Variants in CLPTM1L observed in about 807,000 individuals in gnomAD.
CLPTM1L encodes CLPTM1 like, also known as lipid scramblase CLPTM1L.
Under a neutral mutation model 70.9 loss-of-function variants are expected in CLPTM1L, and 38 were observed. The observed-to-expected ratio is 0.54, with a 90% confidence interval of 0.41 to 0.70. The LOEUF is 0.70. Among genes scored for constraint, CLPTM1L ranks in the 30% least tolerant of loss-of-function variants. The probability of loss-of-function intolerance (pLI) is 0.00; values close to 1 mark genes in which losing one functional copy is unlikely to be tolerated. For missense variants in CLPTM1L, 652 were observed against 705.9 expected (o/e 0.92, Z 0.87); for synonymous variants, 339 against 299.9 (o/e 1.13, Z -1.35).
At chr5:1,338,670 CT>C (rs1358525813) in intron 4 of CLPTM1L, among the ~76,000 whole-genome samples, 189 bp downstream of exon 4, 5 of 152,258 alleles carry the variant, frequency 3.3e-5, no homozygotes, top group African/African-American at 1.2e-4. Flanking sequence ...GAATTCCTTT[CT>C]CCCCCCTTCC....
chr5:1,321,077 C>T (rs914363841), intron 15 of CLPTM1L, among the ~76,000 whole-genome samples: 1 of 152,168 alleles, frequency 6.6e-6, no homozygotes, highest in Non-Finnish European at 1.5e-5. Flanking sequence ...TAGAGCCGCC[C>T]GAGACCACAG....
In CLPTM1L at chr5:1,344,767, C is replaced by A. The variant is rs568033348; in HGVS notation, c.75G>T (p.Trp25Cys). ...GGGTGTAGACGATGCCGTACATGAC[C>A]CAGCAGGTGTGCACCACGTAGACCA... ...VFVVYVVHTCWVMYGIVYTRP... is the reference protein window; with the variant it reads ...VFVVYVVHTCCVMYGIVYTRP... The change falls in exon 1 of 17, where the codon TGG becomes TGT. Residue 25 changes from tryptophan (W) to cysteine (C), a missense_variant. Physicochemically the swap from Trp to Cys is radical, Grantham distance 215. Coordinates refer to ENST00000320895, the MANE Select transcript of CLPTM1L (RefSeq NM_030782.5). The A allele has an allele frequency of 3.1e-6, 5 of 1,605,694 alleles. No homozygotes were observed. Among genetic ancestry groups the A allele is most frequent in the Admixed American group, 1.7e-5 (1 of 59,522 alleles).
chr5:1,333,917 G>A (rs1287663897), intron 7 of CLPTM1L, among the ~76,000 whole-genome samples: 2 of 152,104 alleles, frequency 1.3e-5, no homozygotes, highest in Admixed American at 6.5e-5. Flanking sequence ...CTCCGCCCCT[G>A]GCTCTGCATG....
Position 1,318,376 on chromosome 5 carries a change from G to T in CLPTM1L, c.1610C>A (p.Thr537Lys), listed in dbSNP as rs33955038. 1 of 1,613,090 alleles carries T rather than the reference G, an allele frequency of 6.2e-7. No homozygotes were observed. The highest frequency in any genetic ancestry group is 8.5e-7 in the Non-Finnish European group (1 of 1,179,594). ...YEEKATRAPH[T>K]D ...CGGCAGCCCGGGCGGCCTTCAGTCC[G>T]TGTGGGGCGCCCGCGTGGCCTTCTC... Residue 537 changes from threonine (T) to lysine (K), a missense_variant, in exon 17 of 17, where the codon ACG becomes AAG. Around this residue, in one of 3 missense-constraint regions of CLPTM1L, gnomAD observed 240 missense variants for 295.0 expected, o/e 0.81. Transcript: ENST00000320895. This position sits in a 1 kb window ranked among gnomAD's most constrained non-coding sequence, Gnocchi z 8.9.
At chr5:1,319,659 A>G (rs1390739323) in intron 16 of CLPTM1L, among the ~76,000 whole-genome samples, 3 of 152,204 alleles carry the variant, frequency 2.0e-5, no homozygotes, top group Non-Finnish European at 2.9e-5. Context: ...CCCTGAGGGA[A>G]GGGCACAGGG....
chr5:1,333,399 G>A (rs1277567223), intron 7 of CLPTM1L, among the ~76,000 whole-genome samples: 4 of 137,002 alleles, frequency 2.9e-5, no homozygotes, highest in South Asian at 2.3e-4. Context: ...GGATAAGGGG[G>A]GACTACTGTA....
chr5:1,318,641 G>T lies in CLPTM1L; in HGVS notation c.1533-188C>A, dbSNP rs1751972036. ...GGATTTCTGAGTTGTGTTTTGTTCT[G>T]CATGGCCAGGCCAGCGTGCTGCTCT... On this transcript the variant is annotated intron_variant, in intron 16 of 16. Coordinates refer to ENST00000320895, the MANE Select transcript of CLPTM1L (RefSeq NM_030782.5). The surrounding 1 kb of genome is among the most constrained non-coding windows in gnomAD (Gnocchi z 8.9). 6.6e-6 allele frequency among the ~76,000 whole-genome samples: 1 copy of T among 152,194 alleles called. No individual in the cohort carries two copies. Among genetic ancestry groups the T allele is most frequent in the South Asian group, 2.1e-4 (1 of 4,832 alleles).
chr5:1,337,830 G>T, intron 5 of CLPTM1L, 74 bp downstream of exon 5: 2 of 1,190,416 alleles, frequency 1.7e-6, no homozygotes, highest in South Asian at 1.3e-5. Context: ...CCATTAGGGT[G>T]CAGGGGCTGC....
intron 3 of CLPTM1L, among the ~76,000 whole-genome samples, chr5:1,341,416 C>G (rs1753927465): frequency 6.6e-6 from 1 of 152,208 alleles, no homozygotes; most frequent in South Asian, 2.1e-4. Context: ...AGGGCCCATT[C>G]CCCGAGGGAC....
rs1753948840 is a variant in CLPTM1L at position 1,341,772 on chromosome 5, A to G, written c.352T>C (p.Trp118Arg). Residue 118 changes from tryptophan to arginine, a missense_variant, in exon 3 of 17, where the codon TGG becomes CGG. Transcript: ENST00000320895. Reference sequence around the variant, plus strand: ...AGGTGCACCTGCTTCCCGTCGTGCCACGGCAGGACCCCAGCGTGATGGAGG... The same window carrying G: ...AGGTGCACCTGCTTCCCGTCGTGCCGCGGCAGGACCCCAGCGTGATGGAGG... ...IFLHHAGVLP[W>R]HDGKQVHLVS... 1 of 1,614,050 alleles carries G rather than the reference A, an allele frequency of 6.2e-7. No individual in the cohort carries two copies. The highest frequency in any genetic ancestry group is 8.5e-7 in the Non-Finnish European group (1 of 1,179,980).
At chr5:1,341,554 G>C in intron 3 of CLPTM1L, 117 bp downstream of exon 3, 1 of 818,914 alleles carries the variant, frequency 1.2e-6, no homozygotes, top group Non-Finnish European at 1.9e-6. Flanking sequence ...ATGGCTTTTG[G>C]CTTTACTCCC....
intron 3 of CLPTM1L, among the ~76,000 whole-genome samples, chr5:1,339,583 G>A (rs31486): frequency 4.4e-4 from 44 of 101,138 alleles, no homozygotes; most frequent in Admixed American, 1.5e-3. Context: ...CAGCAGGGTC[G>A]GCACCCTAAC....
intron 1 of CLPTM1L, 66 bp downstream of exon 1, chr5:1,344,614 C>A (rs1202034921): frequency 1.3e-6 from 2 of 1,508,456 alleles, no homozygotes; most frequent in East Asian, 2.5e-5. Context: ...GGGAAGGCGA[C>A]GTCTGGGGCC....
intron 11 of CLPTM1L, among the ~76,000 whole-genome samples, chr5:1,324,328 T>A (rs1485931445): frequency 2.0e-5 from 3 of 152,242 alleles, no homozygotes; most frequent in Admixed American, 1.3e-4. Context: ...TAACTGGAAC[T>A]GAGAATTCCA....
At chr5:1,341,627 C>T (rs772595128) in intron 3 of CLPTM1L, 44 bp downstream of exon 3, 26 of 1,518,978 alleles carry the variant, frequency 1.7e-5, no homozygotes, top group Middle Eastern at 1.7e-4. Flanking sequence ...TCCGTTCTGA[C>T]GGAGAGGCAC....
At chr5:1,324,837 A>G (rs983248530) in intron 10 of CLPTM1L, 24 bp from the exon 11 acceptor site, 3 of 1,606,846 alleles carry the variant, frequency 1.9e-6, no homozygotes, top group Non-Finnish European at 2.6e-6. Flanking sequence ...CAACACAGTG[A>G]TATTAATAGA....
chr5:1,331,496 G>A lies in CLPTM1L; in HGVS notation c.976+303C>T, dbSNP rs116349938. ...CATGAGCAGCCGGGAAGGCTCGAGAGGTCCATGCATCTCACTCTCCACAGC... is the reference window on the plus strand; with the variant it reads ...CATGAGCAGCCGGGAAGGCTCGAGAAGTCCATGCATCTCACTCTCCACAGC... On this transcript the variant is annotated intron_variant, in intron 8 of 16. Coordinates refer to ENST00000320895, the MANE Select transcript of CLPTM1L (RefSeq NM_030782.5). 418 of 481,038 alleles carry A rather than the reference G, an allele frequency of 8.7e-4. 1 individual carries two copies. Among genetic ancestry groups the A allele is most frequent in the African/African-American group, 7.3e-3 (382 of 52,180 alleles). 29.8% of individuals were successfully genotyped at this position (481,038 alleles called of 1,614,324 possible). A position where few individuals can be genotyped will look rare whatever the true frequency, so the allele number is the denominator to read the frequency against.
chr5:1,332,072 G>T (rs1753130332), intron 7 of CLPTM1L, 189 bp from the exon 8 acceptor site: 4 of 595,346 alleles, frequency 6.7e-6, no homozygotes, highest in Non-Finnish European at 9.0e-6. Flanking sequence ...AACCTAGAGT[G>T]CCCAGGCGGG....
chr5:1,343,727 A>G (rs1754094837), intron 2 of CLPTM1L, among the ~76,000 whole-genome samples: 1 of 152,242 alleles, frequency 6.6e-6, no homozygotes, highest in Non-Finnish European at 1.5e-5. Context: ...CGTGGAGTCC[A>G]GCATGAGTCT....
Sources: allele counts gnomAD v4.1 joint callset (sites outside exome capture counted in the v4.1 genomes callset), GRCh38; gene constraint gnomAD v4.1.1; regional missense constraint gnomAD v4.1.1; non-coding constraint Gnocchi (gnomAD v3.1); transcripts MANE v1.5; gene names NCBI Gene and HGNC (gene_info 2026-07-23, HGNC 2026-07-21).